PDZRN4: variants seen among roughly 807,000 people sequenced by gnomAD.
PDZRN4 encodes the protein PDZ domain-containing RING finger protein 4.
In PDZRN4, 70 loss-of-function variants were observed where a neutral mutation model predicts 99.0. The ratio of observed to expected loss-of-function variants is 0.71; its 90% CI spans 0.58 to 0.86. The LOEUF (loss-of-function observed/expected upper bound fraction) is 0.86, where lower values mean the gene tolerates loss of function less well. Among genes scored for constraint, PDZRN4 ranks in the 40% least tolerant of loss-of-function variants. PDZRN4 has a pLI of 0.00. For synonymous variants in PDZRN4, 551 were observed against 501.6 expected (o/e 1.10, Z -1.32); for missense variants, 1,474 against 1,331.2 (o/e 1.11, Z -1.67).
intron 5 of PDZRN4, among the ~76,000 whole-genome samples, chr12:41,526,097 C>A (rs937575652): frequency 6.6e-6 from 1 of 152,178 alleles, no homozygotes; most frequent in Non-Finnish European, 1.5e-5. Flanking sequence ...TCCTGAGAGG[C>A]TCTTTCTCCT....
intron 3 of PDZRN4, among the ~76,000 whole-genome samples, chr12:41,466,776 T>C: frequency 6.6e-6 from 1 of 150,470 alleles, no homozygotes; most frequent in African/African-American, 2.5e-5. Flanking sequence ...TTTGGTTTTG[T>C]TTTGTTTTCT....
At chr12:41,216,428 G>A (rs1950921304) in intron 3 of PDZRN4, among the ~76,000 whole-genome samples, 1 of 151,884 alleles carries the variant, frequency 6.6e-6, no homozygotes. Flanking sequence ...ACGATGGGTA[G>A]GATTTTAGAA....
chr12:41,328,339 T>C (rs1158779203), intron 3 of PDZRN4, among the ~76,000 whole-genome samples: 1 of 151,980 alleles, frequency 6.6e-6, no homozygotes, highest in Non-Finnish European at 1.5e-5. Flanking sequence ...CTGGGCAACA[T>C]AGCCAGACCC....
At chr12:41,508,614 C>T (rs1045758208) in intron 4 of PDZRN4, among the ~76,000 whole-genome samples, 1 of 152,132 alleles carries the variant, frequency 6.6e-6, no homozygotes, top group Admixed American at 6.6e-5. Context: ...ATTCCAAGAG[C>T]CCAAAAGGGC....
intron 5 of PDZRN4, among the ~76,000 whole-genome samples, chr12:41,524,651 C>T (rs1437971184): frequency 6.6e-6 from 1 of 152,052 alleles, no homozygotes; most frequent in Non-Finnish European, 1.5e-5. Context: ...CCTTGCAAAT[C>T]ATAAGGCTTA....
chr12:41,525,828 T>A (rs73130674), intron 5 of PDZRN4, among the ~76,000 whole-genome samples: 24,282 of 152,100 alleles, frequency 0.16, 2,165 homozygotes, highest in Non-Finnish European at 0.2. Flanking sequence ...CTGAATATAT[T>A]CAAGTGTCCT....
chr12:41,421,085 T>C (rs1387906268), intron 3 of PDZRN4, among the ~76,000 whole-genome samples: 2 of 152,356 alleles, frequency 1.3e-5, no homozygotes, highest in Non-Finnish European at 2.9e-5. Context: ...CCTACCTCTG[T>C]AGCATTTCTC....
At chr12:41,226,226 G>A (rs1265156088) in intron 3 of PDZRN4, among the ~76,000 whole-genome samples, 2 of 151,974 alleles carry the variant, frequency 1.3e-5, no homozygotes, top group Admixed American at 1.3e-4. Context: ...TGAGGTCCGT[G>A]GTGAGCATTT....
intron 3 of PDZRN4, among the ~76,000 whole-genome samples, chr12:41,211,315 A>T (rs1030600266): frequency 2.0e-5 from 3 of 152,078 alleles, no homozygotes; most frequent in African/African-American, 4.8e-5. Flanking sequence ...GATTGTTCTT[A>T]GAAGATAACT....
chr12:41,533,520 A>G (rs1938698629), intron 5 of PDZRN4, among the ~76,000 whole-genome samples: 1 of 152,164 alleles, frequency 6.6e-6, no homozygotes, highest in African/African-American at 2.4e-5. Flanking sequence ...ATTTATTGTG[A>G]TGCTGTTTGT....
At chr12:41,515,280 G>A (rs2120698104) in intron 5 of PDZRN4, among the ~76,000 whole-genome samples, 1 of 152,162 alleles carries the variant, frequency 6.6e-6, no homozygotes. Flanking sequence ...ATAGTGTATA[G>A]AGTATAAAAG....
At chr12:41,247,940 A>G (rs992499648) in intron 3 of PDZRN4, among the ~76,000 whole-genome samples, 1 of 147,078 alleles carries the variant, frequency 6.8e-6, no homozygotes, top group Admixed American at 7.1e-5. Flanking sequence ...AAGCAATGGC[A>G]TTAATCCATG....
chr12:41,432,922 G>A (rs749769781), intron 3 of PDZRN4, among the ~76,000 whole-genome samples: 13 of 152,132 alleles, frequency 8.5e-5, no homozygotes, highest in East Asian at 5.8e-4. Context: ...TCAAATGACC[G>A]GTTTGTGCAG....
intron 3 of PDZRN4, among the ~76,000 whole-genome samples, chr12:41,360,397 C>T (rs781388243): frequency 2.8e-4 from 43 of 152,018 alleles, no homozygotes; most frequent in Non-Finnish European, 5.3e-4. Flanking sequence ...ACACAAGTCT[C>T]CATCTCTCAT....
At chr12:41,476,434 A>G (rs1033077021) in intron 3 of PDZRN4, among the ~76,000 whole-genome samples, 13 of 152,236 alleles carry the variant, frequency 8.5e-5, no homozygotes, top group Non-Finnish European at 1.3e-4. Context: ...TTTAAATGCC[A>G]TTCTTTACAA....
chr12:41,317,056 A>C, intron 3 of PDZRN4, among the ~76,000 whole-genome samples: 1 of 138,488 alleles, frequency 7.2e-6, no homozygotes, highest in African/African-American at 2.5e-5. Context: ...AAGTATATAT[A>C]TATATATATA....
At chr12:41,196,019 T>C (rs867899552) in intron 3 of PDZRN4, among the ~76,000 whole-genome samples, 7 of 152,150 alleles carry the variant, frequency 4.6e-5, no homozygotes, top group African/African-American at 1.7e-4. Flanking sequence ...GATGACAATA[T>C]TATGTATGCT....
At chr12:41,228,181 G>A (rs73119065) in intron 3 of PDZRN4, among the ~76,000 whole-genome samples, 9,238 of 152,096 alleles carry the variant, frequency 0.061, 449 homozygotes, top group East Asian at 0.17. Flanking sequence ...ATCCTCCTCC[G>A]AATCTGCCAG....
chr12:41,201,250 T>G (rs1176017189), intron 3 of PDZRN4, among the ~76,000 whole-genome samples: 2 of 151,978 alleles, frequency 1.3e-5, no homozygotes, highest in Non-Finnish European at 2.9e-5. Context: ...TTTGTTGTTT[T>G]CTGTCTAACT....
Sources: gnomAD v4.1 joint callset for allele counts (sites outside exome capture counted in the v4.1 genomes callset) on GRCh38, gnomAD v4.1.1 for gene constraint, MANE v1.5 for transcripts, NCBI Gene and HGNC (gene_info 2026-07-23, HGNC 2026-07-21) for gene names.